RUSC2: variants seen among roughly 807,000 people sequenced by gnomAD.
RUSC2 encodes RUN and SH3 domain containing 2.
RUSC2 carries 34 observed loss-of-function variants against 122.2 expected under a neutral mutation model. The ratio of observed to expected loss-of-function variants is 0.28; its 90% CI spans 0.21 to 0.37. The LOEUF is 0.37. Ranked by LOEUF, RUSC2 falls within the 10% of genes least tolerant of loss-of-function variation. The pLI is 1.00. For missense variants in RUSC2, 1,747 were observed against 1,952.4 expected, an observed-to-expected ratio of 0.89 and a Z score of 1.98; for synonymous variants, 784 against 790.0, an observed-to-expected ratio of 0.99 and a Z score of 0.13.
intron 1 of RUSC2, among the ~76,000 whole-genome samples, chr9:35,520,963 C>G (rs1821202113): frequency 6.6e-6 from 1 of 152,148 alleles, no homozygotes; most frequent in Non-Finnish European, 1.5e-5. Context: ...TTTCCTTATT[C>G]CCTATAGTCT....
At chr9:35,506,469 C>T (rs1037263237) in intron 1 of RUSC2, among the ~76,000 whole-genome samples, 1 of 152,100 alleles carries the variant, frequency 6.6e-6, no homozygotes, top group African/African-American at 2.4e-5. Flanking sequence ...TAACACAACG[C>T]CTGACAAATG....
Position 35,555,679 on chromosome 9 carries a change from C to T in RUSC2, c.2634C>T (p.Ser878=). 3 of 1,594,722 alleles carry T rather than the reference C, an allele frequency of 1.9e-6. No homozygotes were observed. Among genetic ancestry groups the T allele is most frequent in the Non-Finnish European group, 2.5e-6 (3 of 1,177,922 alleles). Reference sequence around the variant, plus strand: ...TGGCCCGGGGAGGTGGTGAGGGCAGCATGGCCACCAGGCCCAGTAATGGTA... The same window carrying T: ...TGGCCCGGGGAGGTGGTGAGGGCAGTATGGCCACCAGGCCCAGTAATGGTA... ...ESLARGGGEG[S]MATRPSNANH... The change falls in exon 3 of 12, where the codon AGC becomes AGT. Residue 878 remains serine (S), a synonymous_variant. Transcript: ENST00000361226. The surrounding 1 kb of genome is among the most constrained non-coding windows in gnomAD (Gnocchi z 4.6).
At position 35,523,822 on chromosome 9, in the gene RUSC2, T is replaced by TA. The variant is rs545713127; in HGVS notation, c.-92-22596dup. ...AGAGGGAGACTCCATCTCAAAAAAT[T>TA]AAAAAAAAAAAATAAAAATTTAAGC... On this transcript the variant is annotated intron_variant, in intron 1 of 11. Transcript: ENST00000361226. Among the ~76,000 whole-genome samples, 387 of 139,176 alleles carry TA rather than the reference T, an allele frequency of 2.8e-3. 1 individual carries two copies. Among genetic ancestry groups the TA allele is most frequent in the Admixed American group, 7.0e-3 (97 of 13,916 alleles). The allele number at this position is 139,176 out of a possible 152,430, so 91.3% of individuals were successfully genotyped here.
At chr9:35,531,981 A>T (rs1051871378) in intron 1 of RUSC2, among the ~76,000 whole-genome samples, 2 of 152,174 alleles carry the variant, frequency 1.3e-5, no homozygotes, top group Non-Finnish European at 2.9e-5. Flanking sequence ...AGCAGAGATC[A>T]TGCCACTGCA....
intron 1 of RUSC2, among the ~76,000 whole-genome samples, chr9:35,503,678 A>G (rs1315901103): frequency 6.6e-6 from 1 of 152,108 alleles, no homozygotes; most frequent in Admixed American, 6.5e-5. Context: ...AGGAATCGCC[A>G]TACTGTTTTC....
intron 1 of RUSC2, among the ~76,000 whole-genome samples, chr9:35,520,917 C>G (rs1479507953): frequency 1.3e-5 from 2 of 152,202 alleles, no homozygotes; most frequent in African/African-American, 4.8e-5. Flanking sequence ...ATCACCTCAT[C>G]TGAAGAACTC....
rs1003076276 is a variant in RUSC2, at chr9:35,546,393, G to C, written c.-92-37G>C. ...GGGCATGCCCCTGACTTCCAGGGAG[G>C]TGACATTAGGTTCCCTTTCTTTCCC... On this transcript the variant is annotated intron_variant, in intron 1 of 11. Coordinates refer to ENST00000361226, the MANE Select transcript of RUSC2 (RefSeq NM_014806.5). This position sits in a 1 kb window ranked among gnomAD's most constrained non-coding sequence, Gnocchi z 4.3. 11 of 586,958 alleles carry C rather than the reference G, an allele frequency of 1.9e-5. No homozygotes were observed. The highest frequency in any genetic ancestry group is 2.9e-5 in the Non-Finnish European group (11 of 385,568). 36.4% of individuals were successfully genotyped at this position (586,958 alleles called of 1,614,324 possible).
intron 2 of RUSC2, chr9:35,549,045 T>A (rs7854280): frequency 4.7e-4 from 454 of 973,630 alleles, no homozygotes; most frequent in African/African-American, 1.7e-3. Flanking sequence ...AAAAAAAAAA[T>A]AAATAAATAC....
chr9:35,555,108 G>A lies in RUSC2; in HGVS notation c.2063G>A (p.Arg688Lys). The A allele has an allele frequency of 6.2e-7, 1 of 1,613,694 alleles. No homozygotes were observed. The highest frequency in any genetic ancestry group is 8.5e-7 in the Non-Finnish European group (1 of 1,180,016). ...GTCCTTCGCTACAGCAAGGAACAGAGGCCAACCACACTGCCCATCCAGCCC... is the reference window on the plus strand; with the variant it reads ...GTCCTTCGCTACAGCAAGGAACAGAAGCCAACCACACTGCCCATCCAGCCC... ...RPVLRYSKEQRPTTLPIQPFV... is the reference protein window; with the variant it reads ...RPVLRYSKEQKPTTLPIQPFV... Residue 688 changes from arginine (R) to lysine (K), a missense_variant, in exon 3 of 12, where the codon AGG becomes AAG. Physicochemically the swap from Arg to Lys is conservative, Grantham distance 26. Coordinates refer to ENST00000361226, the MANE Select transcript of RUSC2 (RefSeq NM_014806.5). This position sits in a 1 kb window ranked among gnomAD's most constrained non-coding sequence, Gnocchi z 4.6.
At chr9:35,543,662 C>CTG (rs927225302) in intron 1 of RUSC2, among the ~76,000 whole-genome samples, 13 of 152,064 alleles carry the variant, frequency 8.5e-5, no homozygotes, top group African/African-American at 3.1e-4. Context: ...AGAGACAGGG[C>CTG]TTCACCATGT....
In RUSC2 at chr9:35,555,597, C is replaced by G; in HGVS notation, c.2552C>G (p.Thr851Arg). 1.2e-6 allele frequency: 2 copies of G among 1,613,730 alleles called. No individual in the cohort carries two copies. Among genetic ancestry groups the G allele is most frequent in the Non-Finnish European group, 1.7e-6 (2 of 1,180,022 alleles). Reference sequence around the variant, plus strand: ...TTGACTGAGTACCGGCTCCATGGAACAGGAAGCTTGCCGCCTCTGGGCTCC... The same window carrying G: ...TTGACTGAGTACCGGCTCCATGGAAGAGGAAGCTTGCCGCCTCTGGGCTCC... ...LTLTEYRLHGTGSLPPLGSWR... is the reference protein window; with the variant it reads ...LTLTEYRLHGRGSLPPLGSWR... The change falls in exon 3 of 12, where the codon ACA becomes AGA. Residue 851 changes from threonine to arginine, a missense_variant. Physicochemically the swap from Thr to Arg is moderately conservative, Grantham distance 71. Transcript: ENST00000361226. This position sits in a 1 kb window ranked among gnomAD's most constrained non-coding sequence, Gnocchi z 4.6.
At chr9:35,490,555 C>T (rs1820546378) in intron 1 of RUSC2, among the ~76,000 whole-genome samples, 1 of 152,192 alleles carries the variant, frequency 6.6e-6, no homozygotes, top group South Asian at 2.1e-4. Flanking sequence ...ACCCCAAGTC[C>T]CTGTGACGGC....
rs1820624751 is a variant in RUSC2, at chr9:35,494,158, T to C, written c.-93+3986T>C. On this transcript the variant is annotated intron_variant, in intron 1 of 11. Coordinates refer to ENST00000361226, the MANE Select transcript of RUSC2 (RefSeq NM_014806.5). ...TCCTTGGCAACACTTGTTTTCTTTT[T>C]TTTTTTTTAAATAACAACCATCCTA... 1.3e-5 allele frequency among the ~76,000 whole-genome samples: 2 copies of C among 152,234 alleles called. 1 individual carries two copies. The highest frequency in any genetic ancestry group is 4.1e-4 in the South Asian group (2 of 4,820).
intron 2 of RUSC2, chr9:35,549,280 G>C: frequency 3.2e-6 from 3 of 938,362 alleles, no homozygotes; most frequent in Non-Finnish European, 3.8e-6. Context: ...CACACACACT[G>C]GGCGTCAGTG....
At position 35,547,097 on chromosome 9, in the gene RUSC2, G is replaced by A. The variant is rs956108204; in HGVS notation, c.576G>A (p.Arg192=). The A allele has an allele frequency of 5.0e-6, 8 of 1,614,120 alleles. No individual in the cohort carries two copies. Among genetic ancestry groups the A allele is most frequent in the Non-Finnish European group, 6.8e-6 (8 of 1,180,004 alleles). The change falls in exon 2 of 12, where the codon CGG becomes CGA. Residue 192 remains arginine (R), a synonymous_variant. Transcript: ENST00000361226. This position sits in a 1 kb window ranked among gnomAD's most constrained non-coding sequence, Gnocchi z 4.6. ...TQQCGTSHCC[R]PELEAETMEL... is the part of the protein sequence containing the mutation. The stretch of plus-strand genomic sequence containing the variant: ...AGTGCGGCACCAGCCACTGCTGCCG[G>A]CCAGAGCTGGAAGCAGAGACTATGG...
At position 35,546,341 on chromosome 9, in the gene RUSC2, T is replaced by C. The variant is rs1044483769; in HGVS notation, c.-92-89T>C. On this transcript the variant is annotated intron_variant, in intron 1 of 11. Transcript: ENST00000361226. This position sits in a 1 kb window ranked among gnomAD's most constrained non-coding sequence, Gnocchi z 4.3. ...TCAAGCCTTTTCTCTTCCTGGGCTC[T>C]TCTCCATCTGAAAATGATGTAGGGA... 8 of 408,564 alleles carry C rather than the reference T, an allele frequency of 2.0e-5. No homozygotes were observed. The highest frequency in any genetic ancestry group is 3.0e-5 in the Non-Finnish European group (7 of 236,546). 25.3% of individuals were successfully genotyped at this position (408,564 alleles called of 1,614,324 possible).
chr9:35,551,729 G>A (rs1342986783), intron 2 of RUSC2, among the ~76,000 whole-genome samples: 1 of 152,202 alleles, frequency 6.6e-6, no homozygotes, highest in East Asian at 1.9e-4. Context: ...CAAAAGAAGG[G>A]ACAGGTTGAT....
rs960277670 is a variant in RUSC2 at position 35,547,488 on chromosome 9, G to C, written c.967G>C (p.Asp323His). 1 of 1,614,168 alleles carries C rather than the reference G, an allele frequency of 6.2e-7. No individual in the cohort carries two copies. The highest frequency in any genetic ancestry group is 8.5e-7 in the Non-Finnish European group (1 of 1,180,042). ...CTCAGACCCTGGCGCCTTCTATCTGGATCTGCAGCCCTCCCCATTTGAGTC... is the reference window on the plus strand; with the variant it reads ...CTCAGACCCTGGCGCCTTCTATCTGCATCTGCAGCCCTCCCCATTTGAGTC... ...SHSDPGAFYL[D>H]LQPSPFESKM... Residue 323 changes from aspartate (D) to histidine (H), a missense_variant, in exon 2 of 12, where the codon GAT becomes CAT. Coordinates refer to ENST00000361226, the MANE Select transcript of RUSC2 (RefSeq NM_014806.5). This position sits in a 1 kb window ranked among gnomAD's most constrained non-coding sequence, Gnocchi z 4.6.
At chr9:35,561,146 G>A (rs541990084) in intron 11 of RUSC2, 35 bp from the exon 12 acceptor site, 2 of 1,613,372 alleles carry the variant, frequency 1.2e-6, no homozygotes, top group Admixed American at 1.7e-5. Context: ...GGCTTTTGAG[G>A]GGGTTTCTCT....
Sources: allele counts gnomAD v4.1 joint callset (sites outside exome capture counted in the v4.1 genomes callset), GRCh38; gene constraint gnomAD v4.1.1; non-coding constraint Gnocchi (gnomAD v3.1); transcripts MANE v1.5; gene names NCBI Gene and HGNC (gene_info 2026-07-23, HGNC 2026-07-21).